The following EYS variants were observed in gnomAD, a reference collection of about 807,000 sequenced individuals.
The protein encoded by EYS is protein eyes shut homolog.
A neutral mutation model predicts 282.1 loss-of-function variants in EYS; 250 were observed. The observed-to-expected ratio is 0.89, with a 90% CI of 0.80 to 0.98. The LOEUF is 0.98. Ranked by LOEUF, EYS falls within the 50% of genes least tolerant of loss-of-function variation. EYS has a pLI of 0.00. For missense variants in EYS, 4,016 were observed against 3,709.0 expected (o/e 1.08, Z -2.15); for synonymous variants, 1,355 against 1,282.9 (o/e 1.06, Z -1.20).
At chr6:64,045,708 A>G (rs1770590879) in intron 33 of EYS, among the ~76,000 whole-genome samples, 1 of 150,914 alleles carries the variant, frequency 6.6e-6, no homozygotes, top group Admixed American at 6.6e-5. Flanking sequence ...CGGCCTCCCA[A>G]AGTGCTGGGA....
chr6:65,197,701 T>C (rs1765803537), intron 12 of EYS, among the ~76,000 whole-genome samples: 1 of 152,108 alleles, frequency 6.6e-6, no homozygotes, highest in Non-Finnish European at 1.5e-5. Flanking sequence ...CTGAAAACTA[T>C]AGTTAAGTGT....
intron 12 of EYS, among the ~76,000 whole-genome samples, chr6:65,199,218 T>C (rs1008362121): frequency 6.6e-6 from 1 of 152,160 alleles, no homozygotes; most frequent in Non-Finnish European, 1.5e-5. Flanking sequence ...TTTTAGCATA[T>C]AATATAAATA....
intron 24 of EYS, among the ~76,000 whole-genome samples, chr6:64,614,851 A>T (rs1207633473): frequency 6.6e-6 from 1 of 152,128 alleles, no homozygotes; most frequent in Non-Finnish European, 1.5e-5. Flanking sequence ...ATTTCTACTG[A>T]ACGTATGTCA....
intron 7 of EYS, among the ~76,000 whole-genome samples, chr6:65,393,193 G>C (rs1766124785): frequency 6.6e-6 from 1 of 151,822 alleles, no homozygotes; most frequent in South Asian, 2.1e-4. Context: ...GACGGGGGAG[G>C]GATAGCATTG....
intron 26 of EYS, among the ~76,000 whole-genome samples, chr6:64,562,737 A>G (rs990660929): frequency 1.3e-5 from 2 of 151,928 alleles, no homozygotes; most frequent in African/African-American, 4.8e-5. Context: ...CTATATGTTT[A>G]TGCTATGTTT....
chr6:65,495,085 G>A lies in EYS; in HGVS notation c.326C>T (p.Thr109Ile), dbSNP rs374112886. ...PEINLMNVSE[T>I]SFVGCVQNTT... ...ATTTTGCACACAGCCAACGAAAGATGTTTCAGAAACATTCATCAAATTTAT... is the reference window on the plus strand; with the variant it reads ...ATTTTGCACACAGCCAACGAAAGATATTTCAGAAACATTCATCAAATTTAT... Residue 109 changes from threonine (T) to isoleucine (I), a missense_variant, in exon 4 of 43, where the codon ACA becomes ATA. By Grantham distance (89) the Thr-to-Ile change is moderately conservative. Coordinates refer to ENST00000503581, the MANE Select transcript of EYS (RefSeq NM_001142800.2). The A allele has an allele frequency of 9.9e-6, 16 of 1,614,048 alleles. No homozygotes were observed. Among genetic ancestry groups the A allele is most frequent in the Non-Finnish European group, 1.3e-5 (15 of 1,180,040 alleles).
intron 14 of EYS, among the ~76,000 whole-genome samples, chr6:64,954,331 A>G (rs1040010848): frequency 1.3e-5 from 2 of 152,074 alleles, no homozygotes; most frequent in Admixed American, 6.6e-5. Flanking sequence ...GTAATAAACC[A>G]TGGGAAAAAA....
intron 31 of EYS, among the ~76,000 whole-genome samples, chr6:64,097,410 G>A (rs1772664882): frequency 6.6e-6 from 1 of 152,162 alleles, no homozygotes; most frequent in Non-Finnish European, 1.5e-5. Context: ...CCCAGTTTGA[G>A]CTTCCTGGCT....
At chr6:64,537,939 G>A (rs1342536039) in intron 26 of EYS, among the ~76,000 whole-genome samples, 1 of 152,144 alleles carries the variant, frequency 6.6e-6, no homozygotes, top group Non-Finnish European at 1.5e-5. Context: ...CTGGGTAAGA[G>A]ATCTCAGGCA....
chr6:65,287,917 G>A (rs1768414646), intron 12 of EYS, among the ~76,000 whole-genome samples: 2 of 150,874 alleles, frequency 1.3e-5, no homozygotes, highest in South Asian at 4.1e-4. Context: ...ATTCTATTTG[G>A]TTAGATTAGC....
At chr6:64,982,342 A>G (rs1468109084) in intron 14 of EYS, among the ~76,000 whole-genome samples, 2 of 151,420 alleles carry the variant, frequency 1.3e-5, no homozygotes, top group Non-Finnish European at 3.0e-5. Flanking sequence ...ATCAATTATA[A>G]TAACTTAAAT....
intron 14 of EYS, among the ~76,000 whole-genome samples, chr6:64,973,560 T>C (rs1770371591): frequency 6.6e-6 from 1 of 152,050 alleles, no homozygotes; most frequent in South Asian, 2.1e-4. Context: ...TGTTTACCAT[T>C]CTATATTCAT....
intron 19 of EYS, among the ~76,000 whole-genome samples, chr6:64,861,821 T>C (rs1183532558): frequency 6.6e-6 from 1 of 152,210 alleles, no homozygotes; most frequent in East Asian, 1.9e-4. Context: ...TTTGAACACT[T>C]TTAAGAAGAT....
chr6:64,758,497 T>A (rs1242044251), intron 22 of EYS, among the ~76,000 whole-genome samples: 1 of 152,004 alleles, frequency 6.6e-6, no homozygotes, highest in African/African-American at 2.4e-5. Context: ...TTTACGACAA[T>A]CCTCTCTCAG....
At chr6:64,292,558 G>C (rs565116602) in intron 30 of EYS, among the ~76,000 whole-genome samples, 1 of 152,188 alleles carries the variant, frequency 6.6e-6, no homozygotes, top group East Asian at 1.9e-4. Flanking sequence ...TTTAAGATTT[G>C]AGGTAAGAGT....
chr6:63,995,304 C>T (rs1045557839), intron 34 of EYS, among the ~76,000 whole-genome samples: 1 of 152,090 alleles, frequency 6.6e-6, no homozygotes, highest in Non-Finnish European at 1.5e-5. Flanking sequence ...TGAAAAGATG[C>T]TCACCATCTC....
chr6:64,653,893 A>G (rs970920856), intron 22 of EYS, among the ~76,000 whole-genome samples: 1 of 152,094 alleles, frequency 6.6e-6, no homozygotes, highest in Admixed American at 6.6e-5. Flanking sequence ...TTTTCATAAT[A>G]TGTGTTATTT....
intron 27 of EYS, among the ~76,000 whole-genome samples, chr6:64,437,316 C>T (rs997600973): frequency 2.0e-5 from 3 of 151,342 alleles, no homozygotes; most frequent in Non-Finnish European, 3.0e-5. Context: ...ATAGGTTAAA[C>T]GAAGATATTT....
chr6:64,248,296 C>A (rs1306934522), intron 30 of EYS, among the ~76,000 whole-genome samples: 1 of 83,894 alleles, frequency 1.2e-5, no homozygotes, highest in Admixed American at 1.3e-4. Flanking sequence ...GTGAAGTCAT[C>A]AATGTCTCTT....
Sources: gnomAD v4.1 joint callset for allele counts (sites outside exome capture counted in the v4.1 genomes callset) on GRCh38, gnomAD v4.1.1 for gene constraint, MANE v1.5 for transcripts, NCBI Gene and HGNC (gene_info 2026-07-23, HGNC 2026-07-21) for gene names.